The following CPLX1 variants were observed in gnomAD, a reference collection of about 807,000 sequenced individuals.
CPLX1 encodes the protein complexin 1, also known as complexin-1.
In CPLX1, 6 loss-of-function variants were observed where a neutral mutation model predicts 15.6. The observed-to-expected ratio is 0.39, with a 90% CI of 0.21 to 0.76. The LOEUF (loss-of-function observed/expected upper bound fraction) is 0.76, where lower values mean the gene tolerates loss of function less well. CPLX1 is among the 30% of genes least tolerant of loss of function. CPLX1 has a pLI of 0.43. For synonymous variants in CPLX1, 91 were observed against 75.2 expected, an observed-to-expected ratio of 1.21 and a Z score of -1.08; for missense variants, 242 against 188.6, an observed-to-expected ratio of 1.28 and a Z score of -1.66.
chr4:796,145 C>T (rs902941698), intron 2 of CPLX1, among the ~76,000 whole-genome samples: 3 of 152,170 alleles, frequency 2.0e-5, no homozygotes, highest in African/African-American at 4.8e-5. Context: ...ATTTAGTATA[C>T]GTTATACATA....
chr4:799,073 A>T (rs577678139), intron 2 of CPLX1, among the ~76,000 whole-genome samples: 1 of 152,298 alleles, frequency 6.6e-6, no homozygotes, highest in East Asian at 1.9e-4. Flanking sequence ...GGGGCCCTTT[A>T]GAATCAGGAA....
chr4:794,866 T>C (rs1746286777), intron 2 of CPLX1, among the ~76,000 whole-genome samples: 2 of 152,154 alleles, frequency 1.3e-5, no homozygotes, highest in Admixed American at 6.5e-5. Flanking sequence ...GCTGATCCCA[T>C]AGGCTCTGGG....
chr4:786,459 G>T lies in CPLX1; in HGVS notation c.*42C>A. The T allele has an allele frequency of 6.6e-7, 1 of 1,510,278 alleles. No individual in the cohort carries two copies. The highest frequency in any genetic ancestry group is 8.9e-7 in the Non-Finnish European group (1 of 1,124,126). 93.6% of individuals were successfully genotyped at this position (1,510,278 alleles called of 1,614,324 possible). A position where few individuals can be genotyped will look rare whatever the true frequency, so the allele number is the denominator to read the frequency against. On this transcript the variant is annotated 3_prime_UTR_variant, in exon 4 of 4. Coordinates refer to ENST00000304062, the MANE Select transcript of CPLX1 (RefSeq NM_006651.4). The stretch of plus-strand genomic sequence containing the variant: ...GGGGCCTCCGCGGAGGATCTGTAGG[G>T]GGAGGGGCGGGGGCTCCGCGGGGCC...
chr4:805,532 A>G (rs771075688), intron 2 of CPLX1, among the ~76,000 whole-genome samples: 4 of 152,250 alleles, frequency 2.6e-5, no homozygotes, highest in Non-Finnish European at 5.9e-5. Context: ...GCTGCTGTGG[A>G]AACAGTCTGG....
intron 2 of CPLX1, among the ~76,000 whole-genome samples, chr4:816,876 A>C (rs1746766929): frequency 6.6e-6 from 1 of 152,188 alleles, no homozygotes; most frequent in South Asian, 2.1e-4. Flanking sequence ...TAAAGTGTGC[A>C]GAAGTCCTGG....
chr4:786,788 C>T (rs1307413123), intron 3 of CPLX1, 90 bp from the exon 4 acceptor site: 2 of 1,477,286 alleles, frequency 1.4e-6, no homozygotes, highest in Non-Finnish European at 1.8e-6. Context: ...CCAGGAACCC[C>T]CGAAGGCGTG....
chr4:804,000 C>T (rs1471793785), intron 2 of CPLX1, among the ~76,000 whole-genome samples: 1 of 152,238 alleles, frequency 6.6e-6, no homozygotes, highest in African/African-American at 2.4e-5. Context: ...CTTAGGTGCA[C>T]AGCCTCACCC....
intron 2 of CPLX1, among the ~76,000 whole-genome samples, chr4:796,315 G>C (rs1157589924): frequency 6.6e-6 from 1 of 152,152 alleles, no homozygotes; most frequent in Non-Finnish European, 1.5e-5. Flanking sequence ...CCTGGACATG[G>C]TACCAGCGAC....
chr4:788,319 G>C (rs1746063403), intron 3 of CPLX1: 2 of 985,446 alleles, frequency 2.0e-6, no homozygotes, highest in Non-Finnish European at 2.4e-6. Flanking sequence ...CCCTCCCCTA[G>C]GGCTGCAGGT....
intron 3 of CPLX1, among the ~76,000 whole-genome samples, chr4:789,671 C>T (rs1746109514): frequency 6.6e-6 from 1 of 152,206 alleles, no homozygotes; most frequent in African/African-American, 2.4e-5. Context: ...CCTCCTGCTC[C>T]CTGGGCCCGG....
chr4:804,531 CG>C (rs1746518015), intron 2 of CPLX1, among the ~76,000 whole-genome samples: 1 of 151,496 alleles, frequency 6.6e-6, no homozygotes, highest in Non-Finnish European at 1.5e-5. Context: ...TTAAATCGTA[CG>C]GTTTTGGAAA....
intron 2 of CPLX1, among the ~76,000 whole-genome samples, chr4:822,215 TCTAA>T (rs902572261): frequency 1.5e-4 from 23 of 151,508 alleles, no homozygotes; most frequent in South Asian, 6.3e-4. Context: ...TCTCTATCTC[TCTAA>T]CTCTCTCTGT....
At chr4:792,289 C>A in intron 3 of CPLX1, 144 bp downstream of exon 3, 7 of 680,142 alleles carry the variant, frequency 1.0e-5, no homozygotes, top group African/African-American at 3.8e-5. Flanking sequence ...CCTCACCCCT[C>A]CGCCACTCTG....
intron 2 of CPLX1, among the ~76,000 whole-genome samples, chr4:810,672 T>G (rs1375399286): frequency 6.6e-6 from 1 of 152,088 alleles, no homozygotes; most frequent in Non-Finnish European, 1.5e-5. Context: ...TCTATTCAAA[T>G]CTTTTGCACA....
intron 3 of CPLX1, 89 bp from the exon 4 acceptor site, chr4:786,787 C>G (rs1383271245): frequency 6.8e-7 from 1 of 1,479,414 alleles, no homozygotes; most frequent in African/African-American, 1.4e-5. Flanking sequence ...CCCAGGAACC[C>G]CCGAAGGCGT....
At chr4:816,939 G>A (rs1746768031) in intron 2 of CPLX1, among the ~76,000 whole-genome samples, 1 of 152,308 alleles carries the variant, frequency 6.6e-6, no homozygotes, top group Middle Eastern at 3.4e-3. Context: ...ACTCTGGCAA[G>A]TAGAGCTTAC....
intron 2 of CPLX1, among the ~76,000 whole-genome samples, chr4:822,090 CCTCT>C (rs1331026461): frequency 6.8e-6 from 1 of 146,128 alleles, no homozygotes; most frequent in Non-Finnish European, 1.5e-5. Context: ...ACTGTCTCTC[CCTCT>C]GTCTCTGTCT....
intron 2 of CPLX1, among the ~76,000 whole-genome samples, chr4:801,458 T>C (rs1016105748): frequency 5.3e-5 from 8 of 152,198 alleles, no homozygotes; most frequent in African/African-American, 1.9e-4. Flanking sequence ...CAACTAAGTA[T>C]AGTCATGGAC....
At chr4:804,712 C>T in intron 2 of CPLX1, 1 of 983,976 alleles carries the variant, frequency 1.0e-6, no homozygotes, top group Non-Finnish European at 1.2e-6. Context: ...GAATTGATGT[C>T]AGAGGAGACT....
Sources: allele counts gnomAD v4.1 joint callset (sites outside exome capture counted in the v4.1 genomes callset), GRCh38; gene constraint gnomAD v4.1.1; transcripts MANE v1.5; gene names NCBI Gene and HGNC (gene_info 2026-07-23, HGNC 2026-07-21).